Variants in TAF4B observed in about 807,000 individuals in gnomAD.
The protein encoded by TAF4B is transcription initiation factor TFIID subunit 4B.
A neutral mutation model predicts 86.4 loss-of-function variants in TAF4B; 38 were observed. That is an observed-to-expected ratio of 0.44 (90% CI 0.34 to 0.58). TAF4B has a LOEUF of 0.58. Ranked by LOEUF, TAF4B falls within the 20% of genes least tolerant of loss-of-function variation. TAF4B has a pLI of 0.02. For missense variants in TAF4B, 988 were observed against 1,027.6 expected, an observed-to-expected ratio of 0.96 and a Z score of 0.53; for synonymous variants, 388 against 391.2, an observed-to-expected ratio of 0.99 and a Z score of 0.10.
At chr18:26,237,605 G>A (rs1187982486) in intron 1 of TAF4B, among the ~76,000 whole-genome samples, 1 of 152,156 alleles carries the variant, frequency 6.6e-6, no homozygotes, top group Non-Finnish European at 1.5e-5. Flanking sequence ...ATGGAGGTAA[G>A]CTGAGAGGTC....
intron 14 of TAF4B, among the ~76,000 whole-genome samples, chr18:26,379,919 A>G (rs1476861572): frequency 6.6e-6 from 1 of 152,226 alleles, no homozygotes; most frequent in South Asian, 2.1e-4. Context: ...TTTTGATGCT[A>G]TTGAAAGTAG....
In TAF4B at chr18:26,263,200, T is replaced by C. The variant is rs115674915; in HGVS notation, c.344-1970T>C. On this transcript the variant is annotated intron_variant, in intron 1 of 14. Transcript: ENST00000269142. ...AACCCCAGGTCTCAAGAGATCCTCC[T>C]GCCTTAGCCTGCCAAAGTGTTGGGA... 8.3e-3 allele frequency among the ~76,000 whole-genome samples: 1,259 copies of C among 152,312 alleles called. 18 individuals carry two copies. Among genetic ancestry groups the C allele is most frequent in the African/African-American group, 0.029 (1,207 of 41,574 alleles).
intron 7 of TAF4B, among the ~76,000 whole-genome samples, chr18:26,288,635 C>CA (rs1236809691): frequency 1.3e-5 from 2 of 151,624 alleles, no homozygotes; most frequent in Admixed American, 6.6e-5. Flanking sequence ...CTCGTCATCT[C>CA]AAAAAAACAA....
chr18:26,244,451 C>G (rs1408938283), intron 1 of TAF4B, among the ~76,000 whole-genome samples: 1 of 152,196 alleles, frequency 6.6e-6, no homozygotes, highest in African/African-American at 2.4e-5. Context: ...TGGGAGTGTC[C>G]TGATTTTCCA....
At chr18:26,264,163 G>A (rs2056207063) in intron 1 of TAF4B, among the ~76,000 whole-genome samples, 1 of 152,222 alleles carries the variant, frequency 6.6e-6, no homozygotes, top group African/African-American at 2.4e-5. Flanking sequence ...TGTCAGCCGG[G>A]TGCAGTGGCT....
intron 14 of TAF4B, among the ~76,000 whole-genome samples, chr18:26,376,169 T>C (rs572024737): frequency 6.6e-6 from 1 of 151,864 alleles, no homozygotes; most frequent in Admixed American, 6.6e-5. Context: ...TCATTTTAAC[T>C]ATTATGGGTC....
chr18:26,261,461 A>C (rs570060674), intron 1 of TAF4B, among the ~76,000 whole-genome samples: 1 of 152,024 alleles, frequency 6.6e-6, no homozygotes, highest in Admixed American at 6.6e-5. Context: ...CGGCCTCCCA[A>C]AGTGCTGGGA....
intron 13 of TAF4B, among the ~76,000 whole-genome samples, chr18:26,346,751 ATATGTGTGTATATATATATATATG>A (rs2057183573): frequency 4.6e-5 from 2 of 43,068 alleles, no homozygotes; most frequent in African/African-American, 8.3e-5. Flanking sequence ...ATATATATAT[ATATGTGTGTATATATATATATATG>A]TGTGTGTATA....
Position 26,357,781 on chromosome 18 carries a change from A to C in TAF4B, c.2408A>C (p.Glu803Ala), listed in dbSNP as rs2057299536. 1 of 1,607,192 alleles carries C rather than the reference A, an allele frequency of 6.2e-7. No homozygotes were observed. Among genetic ancestry groups the C allele is most frequent in the African/African-American group, 1.3e-5 (1 of 74,710 alleles). Residue 803 changes from glutamate (E) to alanine (A), a missense_variant, in exon 14 of 15, where the codon GAA becomes GCA. Around this residue, in one of 3 missense-constraint regions of TAF4B, gnomAD observed 216 missense variants for 238.4 expected, o/e 0.91. Coordinates refer to ENST00000269142, the MANE Select transcript of TAF4B (RefSeq NM_005640.3). The stretch of plus-strand genomic sequence containing the variant: ...GGACCAAGGAAGAAGAGACCACTAG[A>C]ATCTGGAATTGAGGTATTGAAATAA... Reference protein sequence around the residue: ...AIGPRKKRPLESGIEGLKDNL... With the variant: ...AIGPRKKRPLASGIEGLKDNL...
chr18:26,383,394 A>G (rs1978302378), intron 14 of TAF4B, among the ~76,000 whole-genome samples: 1 of 152,220 alleles, frequency 6.6e-6, no homozygotes, highest in Non-Finnish European at 1.5e-5. Context: ...AGGGGGTAGA[A>G]TAGATAAGTG....
rs1312077332 is a variant in TAF4B, at chr18:26,313,415, G to T, written c.1833-1814G>T. Among the ~76,000 whole-genome samples the T allele has an allele frequency of 2.0e-5, 3 of 152,118 alleles. No homozygotes were observed. In the East Asian group the frequency reaches 5.8e-4, roughly 29 times the overall value. On this transcript the variant is annotated intron_variant, in intron 9 of 14. Transcript: ENST00000269142. ...TTAGATGTTTAAATCTGGACACATT[G>T]ATTTATTTATATAGGTGGCAGAGTG...
At chr18:26,349,798 C>T (rs1366028330) in intron 13 of TAF4B, among the ~76,000 whole-genome samples, 4 of 152,202 alleles carry the variant, frequency 2.6e-5, no homozygotes, top group Non-Finnish European at 5.9e-5. Flanking sequence ...TACTGGACTT[C>T]AAAATATGCT....
At chr18:26,253,585 T>C (rs567223982) in intron 1 of TAF4B, among the ~76,000 whole-genome samples, 1 of 152,306 alleles carries the variant, frequency 6.6e-6, no homozygotes, top group East Asian at 1.9e-4. Flanking sequence ...ACTGACCTTA[T>C]AGATTGAGTT....
chr18:26,313,790 C>T (rs1422206976), intron 9 of TAF4B, among the ~76,000 whole-genome samples: 1 of 152,030 alleles, frequency 6.6e-6, no homozygotes, highest in African/African-American at 2.4e-5. Context: ...CTCTGCCTCT[C>T]AAGTAGCTGG....
rs1978681116 is a variant in TAF4B at position 26,391,087 on chromosome 18, T to G, written c.*1075T>G. The G allele has an allele frequency of 6.6e-6, 1 of 152,178 alleles. No individual in the cohort carries two copies. The highest frequency in any genetic ancestry group is 1.5e-5 in the Non-Finnish European group (1 of 68,028). 9.4% of individuals were successfully genotyped at this position (152,178 alleles called of 1,614,324 possible). On this transcript the variant is annotated 3_prime_UTR_variant, in exon 15 of 15. Transcript: ENST00000269142. ...AGAAATTTTTAACAATAGGACTTTA[T>G]GTTGGATTCTGTACTTAAAAGGTAC...
chr18:26,326,912 A>G, intron 11 of TAF4B, 103 bp from the exon 12 acceptor site: 1 of 1,300,144 alleles, frequency 7.7e-7, no homozygotes, highest in Non-Finnish European at 1.0e-6. Flanking sequence ...TCAGCTTCCT[A>G]TTTATGTTGG....
intron 9 of TAF4B, among the ~76,000 whole-genome samples, chr18:26,306,270 A>G (rs2056793830): frequency 6.6e-6 from 1 of 152,224 alleles, no homozygotes; most frequent in South Asian, 2.1e-4. Context: ...TTGATGTGGT[A>G]TGCAGTGAAA....
intron 13 of TAF4B, among the ~76,000 whole-genome samples, chr18:26,346,795 ATATGTGTATATATATATATATG>A (rs2057189790): frequency 4.0e-5 from 1 of 25,054 alleles, no homozygotes; most frequent in Non-Finnish European, 1.1e-4. Flanking sequence ...ATATATATAT[ATATGTGTATATATATATATATG>A]TGTGTGTATA....
chr18:26,349,496 A>G (rs2057227172), intron 13 of TAF4B, among the ~76,000 whole-genome samples: 1 of 152,182 alleles, frequency 6.6e-6, no homozygotes, highest in South Asian at 2.1e-4. Context: ...AATTTAACCC[A>G]GGAGATGAAG....
Sources: gnomAD v4.1 joint callset for allele counts (sites outside exome capture counted in the v4.1 genomes callset) on GRCh38, gnomAD v4.1.1 for gene constraint, gnomAD v4.1.1 regional missense constraint, MANE v1.5 for transcripts, NCBI Gene and HGNC (gene_info 2026-07-23, HGNC 2026-07-21) for gene names.